MYH11: variants seen among roughly 807,000 people sequenced by gnomAD.
MYH11 encodes myosin-11.
MYH11 carries 80 observed loss-of-function variants against 246.6 expected under a neutral mutation model. The observed-to-expected ratio is 0.32, with a 90% CI of 0.27 to 0.39. The LOEUF is 0.39. Among genes scored for constraint, MYH11 ranks in the 10% least tolerant of loss-of-function variants. The pLI is 1.00. For missense variants in MYH11, 2,158 were observed against 2,546.8 expected (o/e 0.85, Z 3.29); for synonymous variants, 1,071 against 1,015.5 (o/e 1.05, Z -1.04).
chr16:15,730,143 G>A (rs1216993063), intron 27 of MYH11, among the ~76,000 whole-genome samples: 1 of 151,918 alleles, frequency 6.6e-6, no homozygotes, highest in Non-Finnish European at 1.5e-5. Flanking sequence ...CACCATGATG[G>A]TAAGTTTCCT....
Position 15,833,385 on chromosome 16 carries a change from G to GAGGA in MYH11, c.345+4519_345+4522dup, listed in dbSNP as rs1234885453. ...AGAAAGAGAGAGGGAGGGAGGGAGG[G>GAGGA]AGGAAGGAAGGAAGGAAGGAAGGAA... On this transcript the variant is annotated intron_variant, in intron 2 of 40. Transcript: ENST00000300036. 3.5e-3 allele frequency among the ~76,000 whole-genome samples: 382 copies of GAGGA among 110,606 alleles called. 2 individuals carry two copies. The highest frequency in any genetic ancestry group is 9.9e-3 in the South Asian group (33 of 3,324). 72.6% of individuals were successfully genotyped at this position (110,606 alleles called of 152,430 possible).
intron 3 of MYH11, among the ~76,000 whole-genome samples, chr16:15,811,938 C>T (rs1239575638): frequency 6.6e-6 from 1 of 152,158 alleles, no homozygotes; most frequent in Non-Finnish European, 1.5e-5. Flanking sequence ...ATCTGCTTTC[C>T]TGCCCCTCCT....
chr16:15,823,104 A>T (rs1334664843), intron 3 of MYH11, 151 bp downstream of exon 3: 3 of 1,141,116 alleles, frequency 2.6e-6, no homozygotes, highest in Admixed American at 2.0e-5. Context: ...GCAAACACAG[A>T]TGTTCCTTTT....
intron 3 of MYH11, among the ~76,000 whole-genome samples, chr16:15,818,314 C>T (rs543749809): frequency 2.0e-5 from 3 of 152,208 alleles, no homozygotes; most frequent in African/African-American, 7.2e-5. Context: ...ACTGGGCCTA[C>T]GTGTTTCTTC....
chr16:15,789,720 C>A (rs538300714), intron 4 of MYH11, among the ~76,000 whole-genome samples: 1 of 152,168 alleles, frequency 6.6e-6, no homozygotes, highest in Admixed American at 6.5e-5. Flanking sequence ...ATCAGGCTAA[C>A]GTCAGAACCT....
At chr16:15,826,221 A>G (rs901475167) in intron 2 of MYH11, among the ~76,000 whole-genome samples, 3 of 152,284 alleles carry the variant, frequency 2.0e-5, no homozygotes, top group Non-Finnish European at 4.4e-5. Flanking sequence ...CTGGGACTAC[A>G]TTAGAACATT....
chr16:15,738,129 C>T (rs115540972), intron 24 of MYH11, among the ~76,000 whole-genome samples: 2,266 of 152,068 alleles, frequency 0.015, 54 homozygotes, highest in African/African-American at 0.052. Flanking sequence ...AGGGTGATTT[C>T]GAGAGGTGGC....
At chr16:15,709,046 G>A (rs897344317) in intron 40 of MYH11, among the ~76,000 whole-genome samples, 6 of 152,058 alleles carry the variant, frequency 3.9e-5, no homozygotes, top group African/African-American at 1.2e-4. Flanking sequence ...GGATTCAAGT[G>A]ATCCCCTTGT....
chr16:15,843,352 C>A (rs144222246), intron 1 of MYH11, among the ~76,000 whole-genome samples: 5 of 150,226 alleles, frequency 3.3e-5, no homozygotes, highest in African/African-American at 1.2e-4. Flanking sequence ...GCCTGGACAA[C>A]AGAGCAAGAC....
In MYH11 at chr16:15,724,134, G is replaced by T. The variant is rs751888585; in HGVS notation, c.4365+27C>A. 21 of 1,611,862 alleles carry T rather than the reference G, an allele frequency of 1.3e-5. No homozygotes were observed. In the Admixed American group the frequency reaches 3.5e-4, roughly 27 times the overall value. On this transcript the variant is annotated intron_variant, in intron 31 of 40. Coordinates refer to ENST00000300036, the MANE Select transcript of MYH11 (RefSeq NM_002474.3). ...TTCCCCAACCCAGCGTCCATGGCCA[G>T]AGTGGGGGACACCCCACGCCCTCTA...
intron 3 of MYH11, among the ~76,000 whole-genome samples, chr16:15,815,271 T>C (rs2043237158): frequency 6.6e-6 from 1 of 152,062 alleles, no homozygotes; most frequent in African/African-American, 2.4e-5. Flanking sequence ...GTTAAAACAA[T>C]TAGGAAAATA....
In MYH11 at chr16:15,753,495, G is replaced by A. The variant is rs794728667; in HGVS notation, c.1763C>T (p.Ala588Val). 2 of 1,613,960 alleles carry A rather than the reference G, an allele frequency of 1.2e-6. No homozygotes were observed. Among genetic ancestry groups the A allele is most frequent in the South Asian group, 1.1e-5 (1 of 91,072 alleles). Reference protein sequence around the residue: ...IHYAGKVDYNASAWLTKNMDP... With the variant: ...IHYAGKVDYNVSAWLTKNMDP... ...CATATTCTTGGTCAGCCAGGCACTC[G>A]CATTATAGTCCACCTGCCAAGGACA... Residue 588 changes from alanine (A) to valine (V), a missense_variant, in exon 15 of 41, where the codon GCG becomes GTG. By Grantham distance (64) the Ala-to-Val change is moderately conservative (BLOSUM62 0). This residue lies in a region of MYH11 where 317 missense variants were observed against 507.7 expected (regional missense o/e 0.62). Coordinates refer to ENST00000300036, the MANE Select transcript of MYH11 (RefSeq NM_002474.3).
chr16:15,717,114 G>C lies in MYH11; in HGVS notation c.5504+26C>G, dbSNP rs1385331484. 1.9e-6 allele frequency: 3 copies of C among 1,612,406 alleles called. No individual in the cohort carries two copies. The East Asian group carries it at 6.7e-5, about 36-fold the overall frequency. On this transcript the variant is annotated intron_variant, in intron 38 of 40. Transcript: ENST00000300036. ...GCTGTCCATCACCCCCCTGCAAACT[G>C]GGTTCGGAACTCCACACCCGCATAC...
chr16:15,741,858 C>T lies in MYH11; in HGVS notation c.2554G>A (p.Glu852Lys). 1 of 1,614,258 alleles carries T rather than the reference C, an allele frequency of 6.2e-7. No individual in the cohort carries two copies. The highest frequency in any genetic ancestry group is 8.5e-7 in the Non-Finnish European group (1 of 1,180,054). ...KPLLQVTRQE[E>K]EMQAKEDELQ... ...TCATCCTCCTTGGCCTGCATCTCCT[C>T]CTCCTGCCGTGTCACCTGCAGCAGT... The change falls in exon 21 of 41, where the codon GAG (glutamate) becomes AAG (lysine). Residue 852 changes from glutamate to lysine, a missense_variant. This residue lies in a region of MYH11 where 90 missense variants were observed against 144.2 expected (regional missense o/e 0.62). Transcript: ENST00000300036.
intron 19 of MYH11, among the ~76,000 whole-genome samples, chr16:15,746,845 T>A (rs1351449686): frequency 1.3e-5 from 2 of 152,154 alleles, no homozygotes; most frequent in Non-Finnish European, 2.9e-5. Context: ...CCCAGCACTT[T>A]GGGAGGCCAA....
chr16:15,803,394 G>A (rs1029209322), intron 3 of MYH11, among the ~76,000 whole-genome samples: 4 of 150,626 alleles, frequency 2.7e-5, no homozygotes, highest in Non-Finnish European at 3.0e-5. Flanking sequence ...CTTCCACCTC[G>A]GCCCCCCGAG....
chr16:15,834,450 C>T (rs215587), intron 2 of MYH11, among the ~76,000 whole-genome samples: 50,815 of 151,092 alleles, frequency 0.34, 9,249 homozygotes, highest in Admixed American at 0.42. Context: ...CACTTCAACC[C>T]GGGAGGTGGA....
rs781475022 is a variant in MYH11 at position 15,747,730 on chromosome 16, T to G, written c.2251A>C (p.Ile751Leu). The G allele has an allele frequency of 6.2e-7, 1 of 1,613,954 alleles. No individual in the cohort carries two copies. The highest frequency in any genetic ancestry group is 8.5e-7 in the Non-Finnish European group (1 of 1,179,994). ...TTGGGGTCAAGTTCCAGGGCTTTGA[T>G]CTGCAAAAGGAAGGAAAGGAAGAGC... ...MDGKQACILM[I>L]KALELDPNLY... The change falls in exon 19 of 41, where the codon ATC becomes CTC. Residue 751 changes from isoleucine to leucine, a missense_variant and splice_region_variant. Physicochemically the swap from Ile to Leu is conservative, Grantham distance 5. Coordinates refer to ENST00000300036, the MANE Select transcript of MYH11 (RefSeq NM_002474.3).
At chr16:15,812,832 C>T (rs926325217) in intron 3 of MYH11, among the ~76,000 whole-genome samples, 2 of 151,844 alleles carry the variant, frequency 1.3e-5, no homozygotes, top group African/African-American at 4.8e-5. Context: ...GTGTTTGTGC[C>T]ACTGCACTCT....
Sources: gnomAD v4.1 joint callset for allele counts (sites outside exome capture counted in the v4.1 genomes callset) on GRCh38, gnomAD v4.1.1 for gene constraint, gnomAD v4.1.1 regional missense constraint, MANE v1.5 for transcripts, NCBI Gene and HGNC (gene_info 2026-07-23, HGNC 2026-07-21) for gene names.